DTNB: variants seen among roughly 807,000 people sequenced by gnomAD.
The protein encoded by DTNB is dystrobrevin beta.
A neutral mutation model predicts 90.7 loss-of-function variants in DTNB; 63 were observed. The ratio of observed to expected loss-of-function variants is 0.69; its 90% CI spans 0.57 to 0.86. The LOEUF is 0.86. DTNB is among the 40% of genes least tolerant of loss of function. The pLI is 0.00. For synonymous variants in DTNB, 277 were observed against 286.7 expected (o/e 0.97, Z 0.34); for missense variants, 744 against 807.1 (o/e 0.92, Z 0.95).
intron 8 of DTNB, among the ~76,000 whole-genome samples, chr2:25,573,292 C>T (rs984580748): frequency 5.9e-5 from 9 of 152,098 alleles, no homozygotes; most frequent in Non-Finnish European, 1.3e-4. Context: ...GTTTCATGTA[C>T]CTCAGACCAA....
At chr2:25,383,479 A>C (rs2038497169) in intron 19 of DTNB, among the ~76,000 whole-genome samples, 1 of 152,150 alleles carries the variant, frequency 6.6e-6, no homozygotes, top group Admixed American at 6.5e-5. Flanking sequence ...TCAGCCTCCC[A>C]AAGTGCTGGG....
intron 8 of DTNB, among the ~76,000 whole-genome samples, chr2:25,568,481 A>G (rs1352812152): frequency 6.6e-6 from 1 of 152,212 alleles, no homozygotes; most frequent in Non-Finnish European, 1.5e-5. Flanking sequence ...GTGATTTAAA[A>G]AAAAACACAC....
At chr2:25,517,656 A>G (rs1328218658) in intron 9 of DTNB, among the ~76,000 whole-genome samples, 1 of 152,222 alleles carries the variant, frequency 6.6e-6, no homozygotes, top group African/African-American at 2.4e-5. Flanking sequence ...AAAATTGAAC[A>G]TATGATCCAG....
At chr2:25,647,812 A>T (rs2079850093) in intron 2 of DTNB, among the ~76,000 whole-genome samples, 1 of 152,102 alleles carries the variant, frequency 6.6e-6, no homozygotes, top group South Asian at 2.1e-4. Flanking sequence ...GAAAAATAGT[A>T]AATATCAGAA....
intron 8 of DTNB, among the ~76,000 whole-genome samples, chr2:25,567,876 G>A (rs2059265505): frequency 6.6e-6 from 1 of 152,216 alleles, no homozygotes; most frequent in East Asian, 1.9e-4. Context: ...AAGGCTGAAT[G>A]AAGGCTGGGC....
chr2:25,526,386 TA>T (rs1293305965), intron 9 of DTNB, among the ~76,000 whole-genome samples: 571 of 56,016 alleles, frequency 0.01, 2 homozygotes, highest in African/African-American at 0.024. Context: ...TATATATATA[TA>T]TATATATATT....
intron 6 of DTNB, among the ~76,000 whole-genome samples, chr2:25,593,719 C>T (rs994490998): frequency 9.2e-5 from 14 of 152,286 alleles, no homozygotes; most frequent in Middle Eastern, 3.4e-3. Context: ...TTAACAACTG[C>T]ACTTTTAAAA....
At chr2:25,436,964 G>A (rs2055995204) in intron 12 of DTNB, among the ~76,000 whole-genome samples, 1 of 152,180 alleles carries the variant, frequency 6.6e-6, no homozygotes, top group Admixed American at 6.5e-5. Context: ...CTGGTTTTGA[G>A]TAACTGCAAA....
At chr2:25,578,510 T>C (rs2061050208) in intron 7 of DTNB, among the ~76,000 whole-genome samples, 1 of 152,232 alleles carries the variant, frequency 6.6e-6, no homozygotes, top group South Asian at 2.1e-4. Context: ...AATTACCAAA[T>C]ACATTCTGAT....
chr2:25,414,985 C>T (rs952243232), intron 16 of DTNB, among the ~76,000 whole-genome samples: 1 of 151,984 alleles, frequency 6.6e-6, no homozygotes, highest in Non-Finnish European at 1.5e-5. Flanking sequence ...CCATTATAAC[C>T]CTTAGATCTG....
intron 20 of DTNB, 112 bp downstream of exon 20, chr2:25,379,178 C>A: frequency 9.3e-7 from 1 of 1,077,962 alleles, no homozygotes; most frequent in Non-Finnish European, 1.2e-6. Flanking sequence ...TGCATCTTCA[C>A]CTGTTAGGAC....
At chr2:25,378,374 A>G (rs1195247548) in intron 20 of DTNB, among the ~76,000 whole-genome samples, 1 of 152,196 alleles carries the variant, frequency 6.6e-6, no homozygotes, top group East Asian at 1.9e-4. Context: ...ATCCAGAGTC[A>G]GCGCAGGCCG....
chr2:25,467,292 TTTCTTTC>T (rs1002155332), intron 10 of DTNB, among the ~76,000 whole-genome samples: 14 of 129,234 alleles, frequency 1.1e-4, no homozygotes, highest in African/African-American at 4.1e-4. Context: ...CTTTGTTTTC[TTTCTTTC>T]TTTTTTTTTT....
chr2:25,441,760 C>A (rs957708303), intron 12 of DTNB, among the ~76,000 whole-genome samples: 1 of 152,078 alleles, frequency 6.6e-6, no homozygotes, highest in East Asian at 1.9e-4. Context: ...AAATTCAAAG[C>A]CAGGGTTGTT....
At chr2:25,622,593 G>C (rs984555606) in intron 4 of DTNB, among the ~76,000 whole-genome samples, 3 of 152,132 alleles carry the variant, frequency 2.0e-5, no homozygotes, top group Non-Finnish European at 4.4e-5. Context: ...GGAAGAACCT[G>C]ATCCCCTTTT....
chr2:25,467,453 C>CCTGGGCT (rs2062006687), intron 10 of DTNB, among the ~76,000 whole-genome samples: 2 of 151,886 alleles, frequency 1.3e-5, no homozygotes, highest in Non-Finnish European at 2.9e-5. Flanking sequence ...CGGGTAACAT[C>CCTGGGCT]AGGCCCAGAC....
intron 1 of DTNB, chr2:25,652,919 A>G (rs1323064264): frequency 3.1e-6 from 1 of 317,758 alleles, no homozygotes; most frequent in African/African-American, 2.2e-5. Flanking sequence ...TATGGGGCTG[A>G]CTTACTTCTA....
At chr2:25,594,978 G>A (rs1487699394) in intron 6 of DTNB, 2 of 152,120 alleles carry the variant, frequency 1.3e-5, no homozygotes, top group African/African-American at 4.8e-5. Flanking sequence ...AGTTCATTCA[G>A]CTTTTCATGT....
rs983979367 is a variant in DTNB, at chr2:25,488,007, C to T, written c.1002-5134G>A. 3.3e-5 allele frequency among the ~76,000 whole-genome samples: 5 copies of T among 152,206 alleles called. No individual in the cohort carries two copies. In the East Asian group the frequency reaches 7.7e-4, roughly 23 times the overall value. On this transcript the variant is annotated intron_variant, in intron 9 of 20. Coordinates refer to ENST00000406818, the MANE Select transcript of DTNB (RefSeq NM_021907.5). Reference sequence around the variant, plus strand: ...GCAGATGCTGGTCTTTTATCAAAAGCGTGCATGGGAATCCTCTGAAAAGCT... The same window carrying T: ...GCAGATGCTGGTCTTTTATCAAAAGTGTGCATGGGAATCCTCTGAAAAGCT...
Sources: allele counts gnomAD v4.1 joint callset (sites outside exome capture counted in the v4.1 genomes callset), GRCh38; gene constraint gnomAD v4.1.1; transcripts MANE v1.5; gene names NCBI Gene and HGNC (gene_info 2026-07-23, HGNC 2026-07-21).